C4orf36: variants seen among roughly 807,000 people sequenced by gnomAD.
C4orf36 encodes uncharacterized protein C4orf36.
A neutral mutation model predicts 12.2 loss-of-function variants in C4orf36; 11 were observed. That is an observed-to-expected ratio of 0.90 (90% confidence interval 0.57 to 1.49). The LOEUF (loss-of-function observed/expected upper bound fraction) is 1.49, where lower values mean the gene tolerates loss of function less well. Ranked by LOEUF, C4orf36 falls within the 40% of genes most tolerant of loss-of-function variation. C4orf36 has a pLI of 0.00. For missense variants in C4orf36, 137 were observed against 133.9 expected (o/e 1.02, Z -0.11); for synonymous variants, 54 against 51.3 (o/e 1.05, Z -0.22).
At chr4:86,914,098 A>C in the C4orf36 span, 1 of 1,607,664 alleles carries the variant, frequency 6.2e-7, no homozygotes, top group Admixed American at 1.7e-5. Flanking sequence ...TTGCTCACCC[A>C]CCAGTCATTT....
the C4orf36 span, chr4:86,914,400 T>TTC: frequency 1.2e-6 from 1 of 841,798 alleles, no homozygotes; most frequent in African/African-American, 1.9e-5. Context: ...CCTTTTTTTT[T>TTC]TTTTTTTTTT....
intron 2 of C4orf36, 136 bp downstream of exon 2, chr4:86,891,320 C>A: frequency 1.7e-6 from 1 of 575,236 alleles, no homozygotes. Flanking sequence ...AAAATCAGAT[C>A]CCAGACACCT....
chr4:86,919,315 C>CTT, the C4orf36 span, among the ~76,000 whole-genome samples: 4,351 of 81,682 alleles, frequency 0.053, 185 homozygotes, highest in Non-Finnish European at 0.067. Context: ...TTTTTTCCCC[C>CTT]TTTTTTTTTT....
intron 4 of C4orf36, 182 bp downstream of exon 4, chr4:86,887,576 A>C: frequency 5.3e-6 from 3 of 570,916 alleles, no homozygotes; most frequent in Non-Finnish European, 8.9e-6. Context: ...CACAAGGAAC[A>C]AGAGTATGTC....
the C4orf36 span, among the ~76,000 whole-genome samples, chr4:86,900,816 C>T: frequency 6.6e-6 from 1 of 152,114 alleles, no homozygotes; most frequent in Non-Finnish European, 1.5e-5. Flanking sequence ...TACCAAACTG[C>T]CTGGGTTTGG....
the C4orf36 span, among the ~76,000 whole-genome samples, chr4:86,917,846 G>A: frequency 6.9e-6 from 1 of 145,450 alleles, no homozygotes; most frequent in Non-Finnish European, 1.5e-5. Flanking sequence ...GCATGTTACT[G>A]TACTGAATAC....
chr4:86,908,168 TACACACACACACAC>T, the C4orf36 span, among the ~76,000 whole-genome samples: 7,322 of 140,902 alleles, frequency 0.052, 521 homozygotes, highest in African/African-American at 0.16. Context: ...ACTTTCAACA[TACACACACACACAC>T]ACACACACAC....
intron 2 of C4orf36, chr4:86,890,074 C>A (rs1182829849): frequency 2.4e-5 from 11 of 454,254 alleles, no homozygotes; most frequent in Non-Finnish European, 4.9e-5. Flanking sequence ...TGCCTGTGGT[C>A]CCAGCTACTC....
the C4orf36 span, among the ~76,000 whole-genome samples, chr4:86,912,226 G>A: frequency 6.6e-6 from 1 of 152,076 alleles, no homozygotes; most frequent in Non-Finnish European, 1.5e-5. Flanking sequence ...TCACTACATT[G>A]CCCAGGCTGG....
upstream of C4orf36, among the ~76,000 whole-genome samples, chr4:86,892,591 G>T (rs1012830970): frequency 1.3e-5 from 2 of 152,256 alleles, no homozygotes; most frequent in Non-Finnish European, 2.9e-5. Flanking sequence ...GCCAGAGAGG[G>T]CTGTAAGCCA....
the C4orf36 span, among the ~76,000 whole-genome samples, chr4:86,904,560 G>T: frequency 3.7e-4 from 51 of 136,240 alleles, no homozygotes; most frequent in African/African-American, 1.3e-3. Context: ...CCAGCCTGGC[G>T]ACAGAGCAAG....
intron 2 of C4orf36, among the ~76,000 whole-genome samples, chr4:86,890,366 G>A (rs1747358410): frequency 6.6e-6 from 1 of 152,008 alleles, no homozygotes; most frequent in East Asian, 1.9e-4. Context: ...AGATATATTA[G>A]GAAGGGGTGG....
At chr4:86,915,853 G>A in the C4orf36 span, among the ~76,000 whole-genome samples, 1 of 152,166 alleles carries the variant, frequency 6.6e-6, no homozygotes, top group African/African-American at 2.4e-5. Flanking sequence ...AAAATGCCAT[G>A]TGATGATGGA....
chr4:86,913,574 G>T, the C4orf36 span: 1 of 1,202,002 alleles, frequency 8.3e-7, no homozygotes. Flanking sequence ...ATGGCCAGCA[G>T]CCACCACTCT....
chr4:86,878,349 A>T (rs1448084838), intron 4 of C4orf36, among the ~76,000 whole-genome samples: 1 of 152,192 alleles, frequency 6.6e-6, no homozygotes, highest in Admixed American at 6.5e-5. Flanking sequence ...CCTCAAAGTT[A>T]TCCATAACCC....
At chr4:86,929,142 G>C in the C4orf36 span, among the ~76,000 whole-genome samples, 2 of 152,084 alleles carry the variant, frequency 1.3e-5, no homozygotes, top group East Asian at 3.9e-4. Context: ...CACAAACTCA[G>C]CAGTCTAAAA....
the C4orf36 span, among the ~76,000 whole-genome samples, chr4:86,905,029 A>G: frequency 6.6e-6 from 1 of 152,106 alleles, no homozygotes; most frequent in Non-Finnish European, 1.5e-5. Context: ...TGAGCCCAGG[A>G]GTTCGAGACC....
rs772451082 is a variant in C4orf36, at chr4:86,888,134, G to A, written c.207C>T (p.Leu69=). The part of the protein sequence containing the change: ...TKCTTIKDGL[L]PSAESIKLER... Reference sequence around the variant, plus strand: ...TAAGGAACTTACATTCTGCAGAAGGGAGCAGTCCATCTTTAATGGTGGTAC... The same window carrying A: ...TAAGGAACTTACATTCTGCAGAAGGAAGCAGTCCATCTTTAATGGTGGTAC... The change falls in exon 3 of 5, where the codon CTC becomes CTT. Residue 69 remains leucine, a synonymous_variant. Transcript: ENST00000295898. 49 of 1,613,244 alleles carry A rather than the reference G, an allele frequency of 3.0e-5. No individual in the cohort carries two copies. The highest frequency in any genetic ancestry group is 4.1e-5 in the Non-Finnish European group (48 of 1,179,764).
At chr4:86,880,271 G>C (rs1431656717) in intron 4 of C4orf36, among the ~76,000 whole-genome samples, 3 of 152,136 alleles carry the variant, frequency 2.0e-5, no homozygotes, top group Non-Finnish European at 1.5e-5. Flanking sequence ...TCAGGAGTTC[G>C]AGACCAGCCT....
Sources: gnomAD v4.1 joint callset for allele counts (sites outside exome capture counted in the v4.1 genomes callset) on GRCh38, gnomAD v4.1.1 for gene constraint, MANE v1.5 for transcripts, NCBI Gene and HGNC (gene_info 2026-07-23, HGNC 2026-07-21) for gene names.